Variants in ANKFN1 observed in about 807,000 individuals in gnomAD.
ANKFN1 encodes ankyrin repeat and fibronectin type-III domain-containing protein 1.
In ANKFN1, 74 loss-of-function variants were observed where a neutral mutation model predicts 108.7. The observed-to-expected ratio is 0.68, with a 90% confidence interval of 0.56 to 0.83. The LOEUF is 0.83. ANKFN1 is among the 40% of genes least tolerant of loss of function. ANKFN1 has a pLI of 0.00. For synonymous variants in ANKFN1, 547 were observed against 516.2 expected (o/e 1.06, Z -0.81); for missense variants, 1,505 against 1,382.3 (o/e 1.09, Z -1.41).
intron 2 of ANKFN1, among the ~76,000 whole-genome samples, chr17:56,214,026 G>A (rs1243894579): frequency 6.6e-6 from 1 of 152,142 alleles, no homozygotes; most frequent in African/African-American, 2.4e-5. Flanking sequence ...TCCAGATGTA[G>A]GTATAAAAGA....
At chr17:56,116,277 A>G (rs996333656) in intron 4 of ANKFN1, among the ~76,000 whole-genome samples, 26 of 152,156 alleles carry the variant, frequency 1.7e-4, no homozygotes, top group Non-Finnish European at 2.9e-5. Flanking sequence ...TGCCTTCCAG[A>G]TAATAGGGCC....
chr17:56,295,602 G>A (rs912077008), intron 3 of ANKFN1, among the ~76,000 whole-genome samples: 1 of 151,556 alleles, frequency 6.6e-6, no homozygotes, highest in African/African-American at 2.4e-5. Flanking sequence ...ATTAAAAAAA[G>A]CCGTGTGTGG....
At chr17:56,273,309 T>C (rs1479446260) in intron 3 of ANKFN1, among the ~76,000 whole-genome samples, 1 of 152,214 alleles carries the variant, frequency 6.6e-6, no homozygotes, top group Non-Finnish European at 1.5e-5. Flanking sequence ...TACCCAGTAC[T>C]ATAACTGGCT....
intron 1 of ANKFN1, among the ~76,000 whole-genome samples, chr17:56,198,324 C>T (rs1913707739): frequency 6.6e-6 from 1 of 152,132 alleles, no homozygotes. Context: ...GAAACTGTTC[C>T]ACCTCATGAC....
chr17:56,258,388 T>C (rs1170825183), intron 3 of ANKFN1: 2 of 152,208 alleles, frequency 1.3e-5, no homozygotes, highest in East Asian at 3.8e-4. Flanking sequence ...TTTTTTCCTC[T>C]AAATTATGTC....
chr17:56,273,610 C>T (rs1337206249), intron 3 of ANKFN1, among the ~76,000 whole-genome samples: 1 of 151,880 alleles, frequency 6.6e-6, no homozygotes, highest in Non-Finnish European at 1.5e-5. Flanking sequence ...ATGTTACTAA[C>T]TGCAACACAA....
chr17:56,059,841 A>G (rs1352143486), intron 4 of ANKFN1, among the ~76,000 whole-genome samples: 1 of 152,128 alleles, frequency 6.6e-6, no homozygotes, highest in Non-Finnish European at 1.5e-5. Context: ...GCCTTGTAGT[A>G]TAGTTTGATG....
intron 4 of ANKFN1, among the ~76,000 whole-genome samples, chr17:56,086,499 C>G (rs1421693732): frequency 6.6e-6 from 1 of 151,436 alleles, no homozygotes; most frequent in Non-Finnish European, 1.5e-5. Context: ...TTCACATTTC[C>G]AATGTCTTCT....
chr17:56,440,498 T>A (rs2049066270), intron 9 of ANKFN1, 74 bp downstream of exon 9: 2 of 1,206,252 alleles, frequency 1.7e-6, no homozygotes, highest in Non-Finnish European at 2.4e-6. Flanking sequence ...CAAATGTCTA[T>A]TCTGAAAGCA....
intron 8 of ANKFN1, among the ~76,000 whole-genome samples, chr17:56,430,677 A>C (rs2048726573): frequency 1.3e-5 from 2 of 152,216 alleles, no homozygotes; most frequent in African/African-American, 4.8e-5. Context: ...CTGCTAAAAA[A>C]ACTAACATCA....
At chr17:56,313,130 G>A (rs1201259543) in intron 3 of ANKFN1, among the ~76,000 whole-genome samples, 1 of 149,914 alleles carries the variant, frequency 6.7e-6, no homozygotes, top group Non-Finnish European at 1.5e-5. Context: ...TCTAGCCTGG[G>A]CAACAGAGCG....
At chr17:56,125,290 CATTGT>C (rs1363447520) in intron 4 of ANKFN1, among the ~76,000 whole-genome samples, 1 of 152,180 alleles carries the variant, frequency 6.6e-6, no homozygotes, top group Non-Finnish European at 1.5e-5. Flanking sequence ...ATGCTTTGCA[CATTGT>C]ATGTGCTTAG....
chr17:56,112,753 C>A (rs1316453348), intron 4 of ANKFN1, among the ~76,000 whole-genome samples: 3 of 151,988 alleles, frequency 2.0e-5, no homozygotes, highest in Admixed American at 1.3e-4. Flanking sequence ...TGTAGATACA[C>A]CCTAATTTCT....
Position 56,510,888 on chromosome 17 carries a change from C to T in ANKFN1, c.3060C>T (p.Ile1020=). 1.3e-6 allele frequency: 2 copies of T among 1,536,184 alleles called. No individual in the cohort carries two copies. Among genetic ancestry groups the T allele is most frequent in the Non-Finnish European group, 1.7e-6 (2 of 1,146,914 alleles). Residue 1020 remains isoleucine (I), a synonymous_variant, in exon 21 of 21, where the codon ATC becomes ATT. Coordinates refer to ENST00000682825, the MANE Select transcript of ANKFN1 (RefSeq NM_001370326.1). Reference sequence around the variant, plus strand: ...GCCGCCATCATCGCTGGTTGCGCATCCACAGCGAGACCCAGTCGCTATCGC... The same window carrying T: ...GCCGCCATCATCGCTGGTTGCGCATTCACAGCGAGACCCAGTCGCTATCGC... ...GFSRHHRWLR[I]HSETQSLSLS... is the part of the protein sequence containing the mutation.
At chr17:56,382,848 A>G (rs1266293664) in intron 8 of ANKFN1, among the ~76,000 whole-genome samples, 2 of 152,190 alleles carry the variant, frequency 1.3e-5, no homozygotes, top group Admixed American at 1.3e-4. Context: ...AGTGACCTAC[A>G]AAGAGACTTA....
At chr17:56,452,195 A>G (rs757399290) in intron 11 of ANKFN1, among the ~76,000 whole-genome samples, 2 of 152,208 alleles carry the variant, frequency 1.3e-5, no homozygotes, top group Non-Finnish European at 2.9e-5. Flanking sequence ...CCTGCCTACT[A>G]TGTAATTTGT....
intron 1 of ANKFN1, among the ~76,000 whole-genome samples, chr17:56,166,580 C>T (rs1037413258): frequency 6.6e-6 from 1 of 152,110 alleles, no homozygotes; most frequent in Non-Finnish European, 1.5e-5. Context: ...CATACTGCAG[C>T]CAACCGCATT....
chr17:56,190,435 A>G (rs987706725), intron 1 of ANKFN1, among the ~76,000 whole-genome samples: 8 of 125,422 alleles, frequency 6.4e-5, no homozygotes, highest in Non-Finnish European at 1.1e-4. Flanking sequence ...TTGGTTTCAA[A>G]GAACATCTTT....
chr17:56,314,789 C>T (rs2045150604), intron 3 of ANKFN1, among the ~76,000 whole-genome samples: 1 of 152,184 alleles, frequency 6.6e-6, no homozygotes, highest in Admixed American at 6.5e-5. Flanking sequence ...GTAATCTTTA[C>T]AGCATCCTGA....
Sources: gnomAD v4.1 joint callset for allele counts (sites outside exome capture counted in the v4.1 genomes callset) on GRCh38, gnomAD v4.1.1 for gene constraint, MANE v1.5 for transcripts, NCBI Gene and HGNC (gene_info 2026-07-23, HGNC 2026-07-21) for gene names.